PDE1A: variants seen among roughly 807,000 people sequenced by gnomAD.
PDE1A encodes the protein phosphodiesterase 1A.
Under a neutral mutation model 61.7 loss-of-function variants are expected in PDE1A, and 35 were observed. The observed-to-expected ratio is 0.57, with a 90% CI of 0.43 to 0.75. The LOEUF (loss-of-function observed/expected upper bound fraction) is 0.75, where lower values mean the gene tolerates loss of function less well. Ranked by LOEUF, PDE1A falls within the 30% of genes least tolerant of loss-of-function variation. The probability of loss-of-function intolerance (pLI) is 0.00; values close to 1 mark genes in which losing one functional copy is unlikely to be tolerated. For synonymous variants in PDE1A, 232 were observed against 213.2 expected (o/e 1.09, Z -0.77); for missense variants, 597 against 630.6 (o/e 0.95, Z 0.57).
chr2:182,707,721 A>G, the PDE1A span, among the ~76,000 whole-genome samples: 8 of 152,322 alleles, frequency 5.3e-5, no homozygotes, highest in Non-Finnish European at 1.0e-4. Flanking sequence ...GGGAAAAATA[A>G]AATAAATCTC....
In PDE1A at chr2:182,419,252, C is replaced by T. The variant is rs74951984; in HGVS notation, c.53+7326G>A. 4.8e-3 allele frequency among the ~76,000 whole-genome samples: 728 copies of T among 151,760 alleles called. 5 individuals carry two copies. Among genetic ancestry groups the T allele is most frequent in the African/African-American group, 0.017 (699 of 41,354 alleles). On this transcript the variant is annotated intron_variant, in intron 1 of 13. Transcript: ENST00000351439. ...TCAAGGATTATATACTTCATCTATT[C>T]TTTTAATGCTACAAAATTATATACA...
intron 2 of PDE1A, among the ~76,000 whole-genome samples, chr2:182,444,300 A>G (rs1212968997): frequency 6.6e-6 from 1 of 152,142 alleles, no homozygotes; most frequent in Non-Finnish European, 1.5e-5. Context: ...TGCTTCTAGA[A>G]GTCTTCCTTG....
chr2:182,246,354 C>CA (rs1473406423), intron 2 of PDE1A, among the ~76,000 whole-genome samples: 1 of 149,316 alleles, frequency 6.7e-6, no homozygotes, highest in Non-Finnish European at 1.5e-5. Context: ...AAGCATTTTT[C>CA]ATTTTTATTT....
At chr2:182,347,462 C>A (rs1436172285) in intron 1 of PDE1A, among the ~76,000 whole-genome samples, 1 of 152,080 alleles carries the variant, frequency 6.6e-6, no homozygotes, top group African/African-American at 2.4e-5. Flanking sequence ...ACTTGGGTAT[C>A]CATTTCATTT....
chr2:182,372,418 G>C (rs919975122), intron 1 of PDE1A, among the ~76,000 whole-genome samples: 1 of 152,074 alleles, frequency 6.6e-6, no homozygotes, highest in Admixed American at 6.5e-5. Flanking sequence ...GTGGGAATGG[G>C]TTTCAATTTT....
chr2:182,697,796 A>T, the PDE1A span, among the ~76,000 whole-genome samples: 1 of 152,244 alleles, frequency 6.6e-6, no homozygotes, highest in African/African-American at 2.4e-5. Context: ...ACCCAGTTTT[A>T]GCAGTATGGC....
intron 13 of PDE1A, among the ~76,000 whole-genome samples, chr2:182,183,589 C>T (rs1684949622): frequency 6.6e-6 from 1 of 151,852 alleles, no homozygotes; most frequent in Admixed American, 6.6e-5. Context: ...GGGTTGGGGT[C>T]CAAGTTGGGG....
At chr2:182,181,388 CAGACCCTGTCACCT>C (rs1684747702) in intron 13 of PDE1A, among the ~76,000 whole-genome samples, 1 of 152,208 alleles carries the variant, frequency 6.6e-6, no homozygotes, top group Non-Finnish European at 1.5e-5. Context: ...GGGTCCACTC[CAGACCCTGTCACCT>C]AGGTTTCACC....
chr2:182,568,865 C>T, the PDE1A span, among the ~76,000 whole-genome samples: 1 of 151,962 alleles, frequency 6.6e-6, no homozygotes, highest in Admixed American at 6.6e-5. Context: ...ATAGGCCAGG[C>T]ACGGTGGCTC....
At chr2:182,566,699 A>C in the PDE1A span, among the ~76,000 whole-genome samples, 130 of 152,244 alleles carry the variant, frequency 8.5e-4, no homozygotes, top group African/African-American at 2.6e-3. Flanking sequence ...ACTTCTATAA[A>C]GCTAGGAAGC....
At chr2:182,320,590 C>T (rs1293260687) in intron 1 of PDE1A, among the ~76,000 whole-genome samples, 1 of 152,094 alleles carries the variant, frequency 6.6e-6, no homozygotes, top group Non-Finnish European at 1.5e-5. Context: ...TATATATTAG[C>T]AATAAGTAGA....
the PDE1A span, among the ~76,000 whole-genome samples, chr2:182,563,742 G>T: frequency 2.4e-4 from 37 of 152,202 alleles, no homozygotes; most frequent in Admixed American, 2.0e-3. Flanking sequence ...GGATGCTCCT[G>T]TATTGGGTGC....
intron 2 of PDE1A, among the ~76,000 whole-genome samples, chr2:182,247,875 T>G (rs1347734142): frequency 1.3e-5 from 2 of 152,222 alleles, no homozygotes; most frequent in African/African-American, 4.8e-5. Flanking sequence ...TCATAGTTAA[T>G]TTTGTTTTAC....
upstream of PDE1A, among the ~76,000 whole-genome samples, chr2:182,429,104 C>T (rs949556958): frequency 2.0e-5 from 3 of 152,048 alleles, no homozygotes; most frequent in Non-Finnish European, 4.4e-5. Context: ...TTTAGATTCA[C>T]TTTATGGAAA....
the PDE1A span, among the ~76,000 whole-genome samples, chr2:182,588,742 A>G: frequency 0.082 from 12,522 of 152,204 alleles, 1,647 homozygotes; most frequent in African/African-American, 0.29. Flanking sequence ...ATTAGGTAAT[A>G]ATTTTAAATA....
the PDE1A span, among the ~76,000 whole-genome samples, chr2:182,602,573 C>G: frequency 6.6e-6 from 1 of 152,164 alleles, no homozygotes; most frequent in Admixed American, 6.6e-5. Context: ...CTAACAGATG[C>G]AAATATCTAT....
At chr2:182,206,098 A>T in intron 7 of PDE1A, 33 bp from the exon 8 acceptor site, 1 of 1,581,666 alleles carries the variant, frequency 6.3e-7, no homozygotes, top group Non-Finnish European at 8.6e-7. Context: ...CCAACAGAGG[A>T]TTTCTTTAGA....
the PDE1A span, among the ~76,000 whole-genome samples, chr2:182,651,685 A>G: frequency 6.6e-6 from 1 of 152,356 alleles, no homozygotes; most frequent in African/African-American, 2.4e-5. Context: ...ATATTTGTTA[A>G]TCTAACATTT....
the PDE1A span, among the ~76,000 whole-genome samples, chr2:182,595,106 AAG>A: frequency 1.3e-5 from 2 of 152,170 alleles, no homozygotes; most frequent in African/African-American, 4.8e-5. Flanking sequence ...CAATTGAACT[AAG>A]AGCCGTTTCA....
Sources: gnomAD v4.1 joint callset for allele counts (sites outside exome capture counted in the v4.1 genomes callset) on GRCh38, gnomAD v4.1.1 for gene constraint, MANE v1.5 for transcripts, NCBI Gene and HGNC (gene_info 2026-07-23, HGNC 2026-07-21) for gene names.